Variants in WNK1 observed in about 807,000 individuals in gnomAD.
WNK1 encodes WNK lysine deficient protein kinase 1.
A neutral mutation model predicts 222.8 loss-of-function variants in WNK1; 38 were observed. The ratio of observed to expected loss-of-function variants is 0.17; its 90% CI spans 0.13 to 0.22. The LOEUF (loss-of-function observed/expected upper bound fraction) is 0.22, where lower values mean the gene tolerates loss of function less well. Ranked by LOEUF, WNK1 falls within the 10% of genes least tolerant of loss-of-function variation. The pLI, the probability that WNK1 is intolerant of heterozygous loss-of-function variation, is 1.00. For synonymous variants in WNK1, 1,090 were observed against 1,092.9 expected, an observed-to-expected ratio of 1.00 and a Z score of 0.05; for missense variants, 2,348 against 2,918.4, an observed-to-expected ratio of 0.80 and a Z score of 4.50.
intron 22 of WNK1, among the ~76,000 whole-genome samples, chr12:894,339 A>G (rs1954552296): frequency 2.0e-5 from 3 of 152,210 alleles, no homozygotes; most frequent in Non-Finnish European, 4.4e-5. Context: ...CTTTGTTTTT[A>G]TAGTATATGT....
At chr12:853,979 G>A (rs1312324600) in intron 4 of WNK1, among the ~76,000 whole-genome samples, 5 of 152,086 alleles carry the variant, frequency 3.3e-5, no homozygotes, top group African/African-American at 1.2e-4. Context: ...TCAAACAGCT[G>A]GGCTCAAACG....
intron 1 of WNK1, among the ~76,000 whole-genome samples, chr12:787,366 C>T (rs918420921): frequency 2.6e-5 from 4 of 152,164 alleles, no homozygotes; most frequent in African/African-American, 7.2e-5. Flanking sequence ...ATCCTCCTGC[C>T]TCAGCCTCCC....
intron 4 of WNK1, among the ~76,000 whole-genome samples, chr12:835,400 T>G (rs1949104415): frequency 6.6e-6 from 1 of 152,240 alleles, no homozygotes; most frequent in South Asian, 2.1e-4. Context: ...GTTTTCTATA[T>G]TCTGAATTCT....
chr12:831,363 C>A (rs375980943), intron 4 of WNK1, among the ~76,000 whole-genome samples: 1 of 151,770 alleles, frequency 6.6e-6, no homozygotes, highest in Non-Finnish European at 1.5e-5. Context: ...CATGGTGAAA[C>A]CCCATCTCTA....
chr12:857,102 T>TA, intron 4 of WNK1, 59 bp from the exon 5 acceptor site: 3 of 1,568,838 alleles, frequency 1.9e-6, no homozygotes, highest in Admixed American at 1.7e-5. Flanking sequence ...ATTGGAAATT[T>TA]AAAAAACAAA....
At position 896,692 on chromosome 12, in the gene WNK1, G is replaced by C; in HGVS notation, c.6205G>C (p.Asp2069His). The C allele has an allele frequency of 6.2e-7, 1 of 1,609,720 alleles. No homozygotes were observed. Among genetic ancestry groups the C allele is most frequent in the Non-Finnish European group, 8.5e-7 (1 of 1,179,202 alleles). Reference sequence around the variant, plus strand: ...TAGCGACAATGAGTCAGATATCGAAGATGAAGACTTAAAGTTAGAGCTGCG... The same window carrying C: ...TAGCGACAATGAGTCAGATATCGAACATGAAGACTTAAAGTTAGAGCTGCG... ...MSSDNESDIEDEDLKLELRRL... is the reference protein window; with the variant it reads ...MSSDNESDIEHEDLKLELRRL... The change falls in exon 24 of 28, where the codon GAT becomes CAT. Residue 2069 changes from aspartate to histidine, a missense_variant. Asp to His is a moderately conservative substitution (Grantham distance 81). Transcript: ENST00000315939.
intron 1 of WNK1, among the ~76,000 whole-genome samples, chr12:808,257 T>C (rs1591796097): frequency 6.6e-6 from 1 of 152,284 alleles, no homozygotes; most frequent in East Asian, 1.9e-4. Context: ...CAATAGATAC[T>C]GTAAGTCACT....
rs985998382 is a variant in WNK1, at chr12:805,042, G to A, written c.760-8600G>A. 2.7e-5 allele frequency among the ~76,000 whole-genome samples: 4 copies of A among 150,578 alleles called. No individual in the cohort carries two copies. In the South Asian group the frequency reaches 8.4e-4, roughly 32 times the overall value. On this transcript the variant is annotated intron_variant, in intron 1 of 27. Transcript: ENST00000315939. ...TGTTCATTTGTTGATGGACACTTGG[G>A]TCATTGTACCCTTTGACTATTGTAA...
rs1954727480 is a variant in WNK1 at position 896,289 on chromosome 12, G to A, written c.5802G>A (p.Lys1934=). ...ACAAAACTACTGCCTCAGAGGCAAAGTCAGACACTGGGCAGCCTACCAAGG... is the reference window on the plus strand; with the variant it reads ...ACAAAACTACTGCCTCAGAGGCAAAATCAGACACTGGGCAGCCTACCAAGG... ...SAHKTTASEA[K]SDTGQPTKVG... is the part of the protein sequence containing the mutation. The change falls in exon 24 of 28, where the codon AAG becomes AAA. Residue 1934 remains lysine, a synonymous_variant. Transcript: ENST00000315939. 2 of 1,614,082 alleles carry A rather than the reference G, an allele frequency of 1.2e-6. No individual in the cohort carries two copies.
At chr12:868,317 A>T in intron 8 of WNK1, 1 of 1,612,722 alleles carries the variant, frequency 6.2e-7, no homozygotes, top group East Asian at 2.2e-5. Flanking sequence ...GTGGCAGAAC[A>T]GTATGAGGGC....
At chr12:882,313 C>G (rs1418615122) in intron 14 of WNK1, among the ~76,000 whole-genome samples, 1 of 152,130 alleles carries the variant, frequency 6.6e-6, no homozygotes, top group Non-Finnish European at 1.5e-5. Flanking sequence ...ATTCTCCTGC[C>G]TCAGCCTCCC....
chr12:754,121 G>A lies in WNK1; in HGVS notation c.556G>A (p.Gly186Ser), dbSNP rs1939605827. 6.2e-7 allele frequency: 1 copy of A among 1,610,412 alleles called. No individual in the cohort carries two copies. Among genetic ancestry groups the A allele is most frequent in the East Asian group, 2.2e-5 (1 of 44,856 alleles). Residue 186 changes from glycine (G) to serine (S), a missense_variant, in exon 1 of 28, where the codon GGC becomes AGC. By Grantham distance (56) the Gly-to-Ser change is moderately conservative (BLOSUM62 0). Around this residue, in one of 13 missense-constraint regions of WNK1, gnomAD observed 185 missense variants for 159.2 expected, o/e 1.16. Coordinates refer to ENST00000315939, the MANE Select transcript of WNK1 (RefSeq NM_018979.4). ...GCCGCCGCCGGCGAGAAGTGGCAGCGGCGGCGGCAGCGCCAAGGAGCCACA... is the reference window on the plus strand; with the variant it reads ...GCCGCCGCCGGCGAGAAGTGGCAGCAGCGGCGGCAGCGCCAAGGAGCCACA... The part of the protein sequence containing the change: ...EEPPPARSGS[G>S]GGSAKEPQEE...
chr12:826,808 GT>G (rs1840035347), intron 2 of WNK1, among the ~76,000 whole-genome samples: 1 of 152,082 alleles, frequency 6.6e-6, no homozygotes, highest in African/African-American at 2.4e-5. Flanking sequence ...TACTATCATT[GT>G]TTAGATGAAA....
Position 859,151 on chromosome 12 carries a change from C to T in WNK1, c.1401-94C>T. 4 of 1,097,548 alleles carry T rather than the reference C, an allele frequency of 3.6e-6. 1 individual carries two copies. The South Asian group carries it at 5.4e-5, about 15-fold the overall frequency. The allele number at this position is 1,097,548 out of a possible 1,614,324, so 68.0% of individuals were successfully genotyped here. A position where few individuals can be genotyped will look rare whatever the true frequency, so the allele number is the denominator to read the frequency against. ...CTGTATTTTTTCCCATTTTTTTCTT[C>T]TGCGAATAACAATAATTGGCCACAT... On this transcript the variant is annotated intron_variant, in intron 5 of 27. Coordinates refer to ENST00000315939, the MANE Select transcript of WNK1 (RefSeq NM_018979.4).
intron 27 of WNK1, 158 bp from the exon 28 acceptor site, chr12:908,316 AT>A: frequency 1.2e-6 from 1 of 839,564 alleles, no homozygotes; most frequent in Non-Finnish European, 1.9e-6. Context: ...TCTCATGAGG[AT>A]TATTTTCACC....
intron 11 of WNK1, 62 bp downstream of exon 11, chr12:880,093 C>T: frequency 6.7e-7 from 1 of 1,494,922 alleles, no homozygotes; most frequent in Non-Finnish European, 9.2e-7. Flanking sequence ...TCATCAGGAA[C>T]ATGGAAATCT....
rs1418995609 is a variant in WNK1 at position 879,671 on chromosome 12, C to T, written c.2472C>T (p.Phe824=). The change falls in exon 11 of 28, where the codon TTC becomes TTT. Residue 824 remains phenylalanine (F), a synonymous_variant. Transcript: ENST00000315939. The stretch of plus-strand genomic sequence containing the variant: ...TTCCAGTCCACTCTGGTGCTCATTT[C>T]CTTCCAGTGGGACAGCCGCTCCCTA... The part of the protein sequence containing the change: ...SVVPVHSGAH[F]LPVGQPLPTP... 6.2e-7 allele frequency: 1 copy of T among 1,613,960 alleles called. No individual in the cohort carries two copies. Among genetic ancestry groups the T allele is most frequent in the Admixed American group, 1.7e-5 (1 of 59,994 alleles).
At chr12:846,308 A>C (rs1368065819) in intron 4 of WNK1, among the ~76,000 whole-genome samples, 1 of 152,194 alleles carries the variant, frequency 6.6e-6, no homozygotes, top group African/African-American at 2.4e-5. Context: ...TGATAATGAG[A>C]AGATCCAAGT....
intron 4 of WNK1, among the ~76,000 whole-genome samples, chr12:843,917 A>G (rs981948045): frequency 1.2e-4 from 18 of 152,296 alleles, no homozygotes; most frequent in East Asian, 3.9e-4. Context: ...TTTCAGTTCC[A>G]TGTACCTTTA....
Sources: gnomAD v4.1 joint callset for allele counts (sites outside exome capture counted in the v4.1 genomes callset) on GRCh38, gnomAD v4.1.1 for gene constraint, gnomAD v4.1.1 regional missense constraint, MANE v1.5 for transcripts, NCBI Gene and HGNC (gene_info 2026-07-23, HGNC 2026-07-21) for gene names.